Variants in REEP3 observed in about 807,000 individuals in gnomAD.
The protein encoded by REEP3 is receptor accessory protein 3.
In REEP3, 20 loss-of-function variants were observed where a neutral mutation model predicts 41.3. The ratio of observed to expected loss-of-function variants is 0.48; its 90% CI spans 0.34 to 0.70. The LOEUF is 0.70. REEP3 is among the 30% of genes least tolerant of loss of function. The probability of loss-of-function intolerance (pLI) is 0.01; values close to 1 mark genes in which losing one functional copy is unlikely to be tolerated. For missense variants in REEP3, 271 were observed against 308.8 expected (o/e 0.88, Z 0.92); for synonymous variants, 104 against 101.8 (o/e 1.02, Z -0.13).
chr10:63,585,630 A>G (rs2133393645), intron 2 of REEP3, among the ~76,000 whole-genome samples: 1 of 152,292 alleles, frequency 6.6e-6, no homozygotes, highest in South Asian at 2.1e-4. Flanking sequence ...TGTTTATCAA[A>G]TTAATATATC....
chr10:63,569,642 G>A (rs1025070432), intron 2 of REEP3, among the ~76,000 whole-genome samples: 1 of 152,120 alleles, frequency 6.6e-6, no homozygotes, highest in African/African-American at 2.4e-5. Flanking sequence ...TTAATAAACT[G>A]TAATAAAAAA....
chr10:63,548,506 G>A (rs148971955), intron 1 of REEP3, among the ~76,000 whole-genome samples: 47 of 152,210 alleles, frequency 3.1e-4, no homozygotes, highest in African/African-American at 1.1e-3. Context: ...CAGTAGTTTA[G>A]GTGCTTAATT....
chr10:63,553,674 GA>G (rs1222832569), intron 1 of REEP3, among the ~76,000 whole-genome samples: 1 of 152,128 alleles, frequency 6.6e-6, no homozygotes, highest in African/African-American at 2.4e-5. Flanking sequence ...GAATAGGGTA[GA>G]ATTTGTGTTT....
At position 63,619,793 on chromosome 10, in the gene REEP3, G is replaced by A. The variant is rs962076751; in HGVS notation, c.704G>A (p.Arg235His). 2.5e-6 allele frequency: 4 copies of A among 1,607,166 alleles called. No individual in the cohort carries two copies. The highest frequency in any genetic ancestry group is 1.7e-5 in the Admixed American group (1 of 59,152). ...AAATCTGTGAAAACCACCAAAGGCC[G>A]CAAAGAGGTTGGTTAAGTGTAGAGC... is the stretch of plus-strand genomic sequence containing the variant. ...SMKSVKTTKG[R>H]KEVRYGSLKY... Residue 235 changes from arginine (R) to histidine (H), a missense_variant, in exon 7 of 8, where the codon CGC (arginine) becomes CAC (histidine). Physicochemically the swap from Arg to His is conservative, Grantham distance 29. Transcript: ENST00000373758.
chr10:63,574,658 CTTG>C (rs1344711471), intron 2 of REEP3, among the ~76,000 whole-genome samples: 4 of 151,972 alleles, frequency 2.6e-5, no homozygotes, highest in Admixed American at 1.3e-4. Context: ...TATTCACTAT[CTTG>C]TTGTTTCATT....
intron 1 of REEP3, among the ~76,000 whole-genome samples, chr10:63,547,653 A>G (rs1955591687): frequency 6.6e-6 from 1 of 152,224 alleles, no homozygotes; most frequent in Admixed American, 6.5e-5. Flanking sequence ...CATAGGAATC[A>G]AGATTGTTCA....
rs1955755138 is a variant in REEP3 at position 63,562,844 on chromosome 10, G to A, written c.33-3494G>A. 6.8e-6 allele frequency: 3 copies of A among 443,246 alleles called. No individual in the cohort carries two copies. In the Admixed American group the frequency reaches 7.3e-5, roughly 11 times the overall value. 27.5% of individuals were successfully genotyped at this position (443,246 alleles called of 1,614,324 possible). A position where few individuals can be genotyped will look rare whatever the true frequency, so the allele number is the denominator to read the frequency against. ...GGTTCACAAATATATATGTGTTATG[G>A]GCTGAATTCTGTCTCCCCAAACTTC... On this transcript the variant is annotated intron_variant, in intron 1 of 7. Transcript: ENST00000373758.
chr10:63,531,142 A>G (rs1955417787), intron 1 of REEP3, among the ~76,000 whole-genome samples: 1 of 152,248 alleles, frequency 6.6e-6, no homozygotes, highest in South Asian at 2.1e-4. Context: ...GAACAGGGAA[A>G]ACAGTAGCAA....
At chr10:63,533,673 A>G (rs1384258328) in intron 1 of REEP3, among the ~76,000 whole-genome samples, 1 of 150,022 alleles carries the variant, frequency 6.7e-6, no homozygotes. Flanking sequence ...ATATACCTAT[A>G]TAAGTCCACA....
chr10:63,580,116 G>A (rs577283821), intron 2 of REEP3, among the ~76,000 whole-genome samples: 1 of 152,162 alleles, frequency 6.6e-6, no homozygotes, highest in Non-Finnish European at 1.5e-5. Context: ...TATAATAGCT[G>A]GTTTTCGTTG....
At chr10:63,566,431 G>A in intron 2 of REEP3, 21 bp downstream of exon 2, 1 of 1,285,424 alleles carries the variant, frequency 7.8e-7, no homozygotes. Context: ...TTTTATGAGT[G>A]ATTAATCTGA....
chr10:63,523,389 T>G (rs1309415126), intron 1 of REEP3, among the ~76,000 whole-genome samples: 2 of 152,178 alleles, frequency 1.3e-5, no homozygotes, highest in Non-Finnish European at 2.9e-5. Flanking sequence ...TCCTAGCACT[T>G]TGGGAGGCCA....
intron 1 of REEP3, among the ~76,000 whole-genome samples, chr10:63,553,231 A>AGG (rs1215178190): frequency 5.3e-5 from 8 of 152,206 alleles, no homozygotes; most frequent in African/African-American, 1.7e-4. Context: ...GCATGGGAAA[A>AGG]AATTACTGTG....
At chr10:63,588,353 G>C (rs1354141889) in intron 2 of REEP3, among the ~76,000 whole-genome samples, 1 of 151,674 alleles carries the variant, frequency 6.6e-6, no homozygotes, top group African/African-American at 2.4e-5. Flanking sequence ...CTCATAATTT[G>C]AATCTCATTA....
Position 63,533,710 on chromosome 10 carries a change from C to CTTTTTTTTTTTTTTTTTTT in REEP3, c.32+12148_32+12149insTTTTTTTTTTTTTTTTTTT, listed in dbSNP as rs71025187. On this transcript the variant is annotated intron_variant, in intron 1 of 7. Coordinates refer to ENST00000373758, the MANE Select transcript of REEP3 (RefSeq NM_001001330.3). ...GAAAGAGCCTTGGAAGTATGTAAAT[C>CTTTTTTTTTTTTTTTTTTT]TTTTTTTTTTTTTTTGAGACGGAGT... is the stretch of plus-strand genomic sequence containing the variant. Among the ~76,000 whole-genome samples the CTTTTTTTTTTTTTTTTTTT allele has an allele frequency of 3.2e-3, 325 of 101,112 alleles. 49 individuals carry two copies. The highest frequency in any genetic ancestry group is 5.6e-3 in the African/African-American group (171 of 30,274). The allele number at this position is 101,112 out of a possible 152,430, so 66.3% of individuals were successfully genotyped here. A position where few individuals can be genotyped will look rare whatever the true frequency, so the allele number is the denominator to read the frequency against.
At position 63,556,614 on chromosome 10, in the gene REEP3, G is replaced by GTTTTT. The variant is rs77925970; in HGVS notation, c.33-9717_33-9713dup. Among the ~76,000 whole-genome samples, 65 of 12,830 alleles carry GTTTTT rather than the reference G, an allele frequency of 5.1e-3. 4 individuals carry two copies. Among genetic ancestry groups the GTTTTT allele is most frequent in the African/African-American group, 0.013 (64 of 5,000 alleles). 8.4% of individuals were successfully genotyped at this position (12,830 alleles called of 152,430 possible). On this transcript the variant is annotated intron_variant, in intron 1 of 7. Transcript: ENST00000373758. Reference sequence around the variant, plus strand: ...GTTTTGTTTTGTTTTCTGTTTGCTTGTTTTTTTTTTTGTTGTTTTGTTTTT... The same window carrying GTTTTT: ...GTTTTGTTTTGTTTTCTGTTTGCTTGTTTTTTTTTTTTTTTTGTTGTTTTGTTTTT...
intron 1 of REEP3, among the ~76,000 whole-genome samples, chr10:63,553,168 A>G (rs906742761): frequency 1.3e-5 from 2 of 152,170 alleles, no homozygotes; most frequent in African/African-American, 4.8e-5. Context: ...TGGCTCTGAG[A>G]GGAGGGAGAG....
At chr10:63,532,819 C>T (rs1955435914) in intron 1 of REEP3, among the ~76,000 whole-genome samples, 1 of 151,532 alleles carries the variant, frequency 6.6e-6, no homozygotes, top group African/African-American at 2.4e-5. Context: ...GTGGAAGGAT[C>T]CCTTGAGCCC....
rs1435426926 is a variant in REEP3 at position 63,623,008 on chromosome 10, A to G, written c.*2139A>G. 6.6e-6 allele frequency: 1 copy of G among 152,104 alleles called. No individual in the cohort carries two copies. Among genetic ancestry groups the G allele is most frequent in the East Asian group, 1.9e-4 (1 of 5,194 alleles). 9.4% of individuals were successfully genotyped at this position (152,104 alleles called of 1,614,324 possible). ...GCGTGAGCCACCGCACCCAGCCACC[A>G]TTTTATCTCTCTAAAGTCTGGTCCC... On this transcript the variant is annotated 3_prime_UTR_variant, in exon 8 of 8. Transcript: ENST00000373758.
Sources: allele counts gnomAD v4.1 joint callset (sites outside exome capture counted in the v4.1 genomes callset), GRCh38; gene constraint gnomAD v4.1.1; transcripts MANE v1.5; gene names NCBI Gene and HGNC (gene_info 2026-07-23, HGNC 2026-07-21).